The following ZNF883 variants were observed in gnomAD, a reference collection of about 807,000 sequenced individuals.
ZNF883 encodes the protein zinc finger protein 883.
downstream of ZNF883, among the ~76,000 whole-genome samples, chr9:112,993,182 T>C (rs1828317573): frequency 6.6e-6 from 1 of 152,206 alleles, no homozygotes; most frequent in Admixed American, 6.5e-5. Flanking sequence ...GGGGTTACTT[T>C]TTTGTTGATT....
At chr9:112,997,927 G>C (rs374594697) in exon 1 of ZNF883, 2 of 1,613,418 alleles carry the variant, frequency 1.2e-6, no homozygotes, top group African/African-American at 2.7e-5. Flanking sequence ...GATTTCTAAG[G>C]GATGACCTAT....
intron 1 of ZNF883, among the ~76,000 whole-genome samples, chr9:113,011,461 G>A (rs1828538278): frequency 1.3e-5 from 2 of 152,186 alleles, no homozygotes; most frequent in South Asian, 4.1e-4. Flanking sequence ...GTGGCACCGA[G>A]TGCACCAGCT....
downstream of ZNF883, among the ~76,000 whole-genome samples, chr9:112,994,141 G>C (rs1361133682): frequency 1.3e-5 from 2 of 152,216 alleles, no homozygotes; most frequent in Non-Finnish European, 2.9e-5. Context: ...GGCTCACGAA[G>C]GGGATCTCCT....
chr9:112,993,872 C>T (rs1403397727), downstream of ZNF883, among the ~76,000 whole-genome samples: 2 of 152,310 alleles, frequency 1.3e-5, no homozygotes, highest in East Asian at 3.9e-4. Flanking sequence ...GCAATTCCTC[C>T]TGGGTCCAAA....
At chr9:113,010,196 T>G (rs1272173401) in intron 2 of ZNF883, among the ~76,000 whole-genome samples, 1 of 152,144 alleles carries the variant, frequency 6.6e-6, no homozygotes, top group African/African-American at 2.4e-5. Context: ...GAAAGAAAAT[T>G]TTCCCTCCCT....
chr9:113,009,913 T>C (rs907001383), intron 2 of ZNF883, among the ~76,000 whole-genome samples: 1 of 152,256 alleles, frequency 6.6e-6, no homozygotes, highest in African/African-American at 2.4e-5. Context: ...TACTCTGGTA[T>C]AGTTTCCTCT....
intron 1 of ZNF883, among the ~76,000 whole-genome samples, chr9:112,991,598 G>T (rs1469696300): frequency 6.6e-6 from 1 of 151,732 alleles, no homozygotes; most frequent in Non-Finnish European, 1.5e-5. Context: ...TAATTATCAG[G>T]TCTGCTTGAT....
At chr9:112,993,650 A>G (rs1828322925), downstream of ZNF883, among the ~76,000 whole-genome samples, 1 of 152,182 alleles carries the variant, frequency 6.6e-6, no homozygotes, top group African/African-American at 2.4e-5. Context: ...CAGCAGGGGG[A>G]AAAGACTAAG....
chr9:113,003,904 G>A (rs994370752), intron 2 of ZNF883, among the ~76,000 whole-genome samples: 2 of 151,922 alleles, frequency 1.3e-5, no homozygotes, highest in Admixed American at 1.3e-4. Flanking sequence ...ATTCTCCCCT[G>A]TTGTGGGTTG....
At chr9:112,999,251 A>C (rs1264847404), upstream of ZNF883, 1 of 152,222 alleles carries the variant, frequency 6.6e-6, no homozygotes, top group Non-Finnish European at 1.5e-5. Flanking sequence ...GGGAAGTTTA[A>C]AGGTGAAATG....
At chr9:112,997,334 A>G (rs1587894371) in exon 1 of ZNF883, 3 of 1,614,078 alleles carry the variant, frequency 1.9e-6, no homozygotes, top group East Asian at 2.2e-5. Flanking sequence ...CTGATGTCGA[A>G]TTAGTGATGT....
At chr9:113,003,076 A>C (rs181997728), upstream of ZNF883, among the ~76,000 whole-genome samples, 53 of 152,324 alleles carry the variant, frequency 3.5e-4, 1 homozygote, top group Admixed American at 9.2e-4. Flanking sequence ...GCACAAACTA[A>C]GACACCTTGT....
At chr9:113,003,720 T>G (rs949502828) in intron 2 of ZNF883, among the ~76,000 whole-genome samples, 1 of 152,082 alleles carries the variant, frequency 6.6e-6, no homozygotes, top group African/African-American at 2.4e-5. Context: ...AGGAATAGAA[T>G]AGTCAAACTC....
chr9:112,996,786 G>A (rs1203546008), downstream of ZNF883, among the ~76,000 whole-genome samples: 16 of 62,372 alleles, frequency 2.6e-4, no homozygotes, highest in Middle Eastern at 0.019. Flanking sequence ...GCGAGACTCC[G>A]TCTCAAAAAA....
At chr9:113,003,012 A>T (rs1036912303), upstream of ZNF883, among the ~76,000 whole-genome samples, 1 of 152,162 alleles carries the variant, frequency 6.6e-6, no homozygotes, top group Non-Finnish European at 1.5e-5. Flanking sequence ...GAACTGTGAT[A>T]AATAAATTTC....
At chr9:113,000,513 T>C (rs1382809802), upstream of ZNF883, among the ~76,000 whole-genome samples, 5 of 152,132 alleles carry the variant, frequency 3.3e-5, no homozygotes, top group Admixed American at 2.6e-4. Flanking sequence ...ATGAAAGATA[T>C]GAGCCTGGAT....
In ZNF883 at chr9:112,997,777, G is replaced by T. The variant is rs369119910; in HGVS notation, n.483C>A. 253 of 1,613,664 alleles carry T rather than the reference G, an allele frequency of 1.6e-4. 1 individual carries two copies. In the African/African-American group the frequency reaches 3.1e-3, roughly 20 times the overall value. On this transcript the variant is annotated non_coding_transcript_exon_variant, in exon 1 of 1. Transcript: ENST00000639662. The stretch of plus-strand genomic sequence containing the variant: ...CAATTAGGTGTGTGCTGCGGCTGAA[G>T]GTTTTTCCACATTCAGTACATTCAT...
chr9:113,001,805 G>A (rs533768066), upstream of ZNF883, among the ~76,000 whole-genome samples: 36 of 152,224 alleles, frequency 2.4e-4, no homozygotes, highest in African/African-American at 7.2e-4. Context: ...GGAATTCTGC[G>A]ATAGAGAAAT....
At chr9:112,991,487 GA>G in intron 1 of ZNF883, among the ~76,000 whole-genome samples, 1 of 77,208 alleles carries the variant, frequency 1.3e-5, no homozygotes, top group East Asian at 4.8e-4. Flanking sequence ...ATTTACTGAA[GA>G]GTGTTTTACT....
Sources: allele counts gnomAD v4.1 joint callset (sites outside exome capture counted in the v4.1 genomes callset), GRCh38; gene constraint gnomAD v4.1.1; transcripts MANE v1.5; gene names NCBI Gene and HGNC (gene_info 2026-07-23, HGNC 2026-07-21).